ENKUR: variants seen among roughly 807,000 people sequenced by gnomAD.
ENKUR encodes the protein enkurin.
A neutral mutation model predicts 27.6 loss-of-function variants in ENKUR; 19 were observed. That is an observed-to-expected ratio of 0.69 (90% confidence interval 0.48 to 1.01). The LOEUF (loss-of-function observed/expected upper bound fraction) is 1.01, where lower values mean the gene tolerates loss of function less well. Ranked by LOEUF, ENKUR falls within the 50% of genes least tolerant of loss-of-function variation. ENKUR has a pLI of 0.00. For synonymous variants in ENKUR, 117 were observed against 96.9 expected (o/e 1.21, Z -1.22); for missense variants, 312 against 310.5 (o/e 1.00, Z -0.04).
At chr10:24,986,084 ACCAAAACT>A (rs1849773271) in intron 4 of ENKUR, among the ~76,000 whole-genome samples, 1 of 152,100 alleles carries the variant, frequency 6.6e-6, no homozygotes, top group South Asian at 2.1e-4. Flanking sequence ...CAAAAACAAA[ACCAAAACT>A]CCAAAACTTA....
chr10:25,058,179 A>G (rs374271342), intron 2 of ENKUR, among the ~76,000 whole-genome samples: 2 of 151,894 alleles, frequency 1.3e-5, no homozygotes, highest in African/African-American at 4.8e-5. Context: ...CTTGTCCTCT[A>G]TCACTCAATT....
chr10:24,992,208 C>T (rs1445351002), intron 3 of ENKUR, among the ~76,000 whole-genome samples: 2 of 152,132 alleles, frequency 1.3e-5, no homozygotes, highest in Admixed American at 1.3e-4. Flanking sequence ...AAGTTTCCGT[C>T]TTCAGGGAAT....
At chr10:25,008,503 TA>T (rs758666785) in intron 1 of ENKUR, among the ~76,000 whole-genome samples, 16 of 152,316 alleles carry the variant, frequency 1.1e-4, no homozygotes, top group Non-Finnish European at 1.9e-4. Context: ...ATGTAAGTGT[TA>T]ACAGTATTGA....
intron 2 of ENKUR, among the ~76,000 whole-genome samples, chr10:25,035,993 T>A (rs1288323589): frequency 6.6e-6 from 1 of 152,208 alleles, no homozygotes; most frequent in Non-Finnish European, 1.5e-5. Flanking sequence ...TTATGAAGCT[T>A]ATGGAGACCT....
At chr10:25,015,706 C>T (rs1850552624) in intron 1 of ENKUR, among the ~76,000 whole-genome samples, 154 bp downstream of exon 1, 1 of 152,184 alleles carries the variant, frequency 6.6e-6, no homozygotes. Context: ...CTAGATATTT[C>T]GACCTTTTCT....
intron 4 of ENKUR, among the ~76,000 whole-genome samples, chr10:24,987,416 T>G (rs1271486230): frequency 1.3e-4 from 20 of 152,018 alleles, no homozygotes. Context: ...GGAGGAGGAT[T>G]GCTTGAGGCC....
intron 2 of ENKUR, among the ~76,000 whole-genome samples, chr10:25,048,730 G>A (rs1161597747): frequency 6.6e-6 from 1 of 152,106 alleles, no homozygotes; most frequent in African/African-American, 2.4e-5. Context: ...TCAGGCTGGG[G>A]TTTCAGGGCG....
At chr10:25,017,068 G>C (rs188669257), upstream of ENKUR, among the ~76,000 whole-genome samples, 41 of 152,258 alleles carry the variant, frequency 2.7e-4, no homozygotes, top group African/African-American at 9.4e-4. Flanking sequence ...CCTCCGGGTC[G>C]GCTCTGCGCC....
intron 2 of ENKUR, among the ~76,000 whole-genome samples, chr10:24,997,631 C>A (rs1222666773): frequency 6.6e-6 from 1 of 151,974 alleles, no homozygotes; most frequent in East Asian, 1.9e-4. Flanking sequence ...TAAAGCAGTC[C>A]TCCTGTCTTG....
chr10:24,990,703 T>C (rs902107430), intron 3 of ENKUR, 94 bp from the exon 4 acceptor site: 4 of 1,262,612 alleles, frequency 3.2e-6, no homozygotes, highest in Non-Finnish European at 4.3e-6. Context: ...AAAGAAATGG[T>C]ACAGACTAAA....
upstream of ENKUR, among the ~76,000 whole-genome samples, chr10:25,018,485 A>C (rs1424457863): frequency 1.3e-5 from 2 of 152,202 alleles, no homozygotes; most frequent in African/African-American, 4.8e-5. Flanking sequence ...AAAGCAGCCA[A>C]AGACGGTACT....
intron 2 of ENKUR, among the ~76,000 whole-genome samples, chr10:25,045,615 TA>T (rs1851113597): frequency 6.6e-6 from 1 of 152,212 alleles, no homozygotes; most frequent in Non-Finnish European, 1.5e-5. Context: ...TTCTGACTTT[TA>T]AATTTGAAAC....
At chr10:25,042,922 TA>T (rs1851081767) in intron 2 of ENKUR, among the ~76,000 whole-genome samples, 1 of 152,180 alleles carries the variant, frequency 6.6e-6, no homozygotes, top group Non-Finnish European at 1.5e-5. Context: ...ATCCTAAACC[TA>T]TTTGGGACAA....
chr10:25,010,559 G>A (rs1850418218), intron 1 of ENKUR, among the ~76,000 whole-genome samples: 1 of 151,304 alleles, frequency 6.6e-6, no homozygotes, highest in South Asian at 2.1e-4. Flanking sequence ...TCGTCATTTA[G>A]CATTAGGTAT....
intron 2 of ENKUR, among the ~76,000 whole-genome samples, chr10:25,031,148 A>G (rs1024927336): frequency 2.6e-5 from 4 of 152,160 alleles, no homozygotes; most frequent in African/African-American, 7.2e-5. Context: ...ATTAAAGACA[A>G]TGCTCAGTGA....
intron 1 of ENKUR, among the ~76,000 whole-genome samples, chr10:25,006,194 G>A (rs1850309596): frequency 6.6e-6 from 1 of 152,158 alleles, no homozygotes; most frequent in African/African-American, 2.4e-5. Context: ...ACACATTGCT[G>A]TCTCCAAAAC....
At chr10:25,004,977 A>G (rs907268875) in intron 1 of ENKUR, among the ~76,000 whole-genome samples, 2 of 152,190 alleles carry the variant, frequency 1.3e-5, no homozygotes, top group Non-Finnish European at 2.9e-5. Context: ...TCTTCTGCAT[A>G]TGGCTAGCCA....
Position 25,015,902 on chromosome 10 carries a change from T to G in ENKUR, c.35A>C (p.Asn12Thr). ...DPTCSSECIY[N>T]LIPSDLKEPP... ...CTCCTTCAAGTCACTGGGTATGAGGTTATAAATGCACTCAGAAGAGCACGT... is the reference window on the plus strand; with the variant it reads ...CTCCTTCAAGTCACTGGGTATGAGGGTATAAATGCACTCAGAAGAGCACGT... The change falls in exon 1 of 6, where the codon AAC becomes ACC. Residue 12 changes from asparagine to threonine, a missense_variant. Asn to Thr is a moderately conservative substitution (Grantham distance 65, BLOSUM62 0). Transcript: ENST00000331161. 2 of 1,607,472 alleles carry G rather than the reference T, an allele frequency of 1.2e-6. No individual in the cohort carries two copies. The highest frequency in any genetic ancestry group is 1.7e-6 in the Non-Finnish European group (2 of 1,176,744).
At chr10:25,029,166 C>G (rs1850905089) in intron 2 of ENKUR, among the ~76,000 whole-genome samples, 1 of 152,080 alleles carries the variant, frequency 6.6e-6, no homozygotes, top group Admixed American at 6.6e-5. Context: ...CTGTAAACTT[C>G]TTAACATTTG....
Sources: allele counts gnomAD v4.1 joint callset (sites outside exome capture counted in the v4.1 genomes callset), GRCh38; gene constraint gnomAD v4.1.1; transcripts MANE v1.5; gene names NCBI Gene and HGNC (gene_info 2026-07-23, HGNC 2026-07-21).